The following NEK5 variants were observed in gnomAD, a reference collection of about 807,000 sequenced individuals.
The protein encoded by NEK5 is NIMA related kinase 5.
In NEK5, 88 loss-of-function variants were observed where a neutral mutation model predicts 109.2. The observed-to-expected ratio is 0.81, with a 90% CI of 0.68 to 0.96. The LOEUF (loss-of-function observed/expected upper bound fraction) is 0.96, where lower values mean the gene tolerates loss of function less well. Among genes scored for constraint, NEK5 ranks in the 40% least tolerant of loss-of-function variants. The pLI, the probability that NEK5 is intolerant of heterozygous loss-of-function variation, is 0.00. For synonymous variants in NEK5, 283 were observed against 299.9 expected, an observed-to-expected ratio of 0.94 and a Z score of 0.58; for missense variants, 834 against 920.7, an observed-to-expected ratio of 0.91 and a Z score of 1.22.
chr13:52,081,126 AT>A, intron 17 of NEK5, among the ~76,000 whole-genome samples: 1 of 152,352 alleles, frequency 6.6e-6, no homozygotes, highest in South Asian at 2.1e-4. Flanking sequence ...GGCAGTCGCC[AT>A]TGATTGTCGT....
At chr13:52,089,370 A>G in intron 13 of NEK5, 57 bp from the exon 14 acceptor site, 1 of 1,067,058 alleles carries the variant, frequency 9.4e-7, no homozygotes, top group South Asian at 1.4e-5. Flanking sequence ...TTAGGCACCA[A>G]TTTGACGAGT....
intron 19 of NEK5, among the ~76,000 whole-genome samples, chr13:52,074,867 A>G (rs1232556291): frequency 1.3e-5 from 2 of 152,160 alleles, no homozygotes; most frequent in Non-Finnish European, 2.9e-5. Context: ...ACAAATATAT[A>G]AAAGAATACT....
chr13:52,064,741 G>T (rs887030888), intron 21 of NEK5: 1 of 236,420 alleles, frequency 4.2e-6, no homozygotes, highest in Non-Finnish European at 8.2e-6. Flanking sequence ...GTAGAAAGAA[G>T]TAGACATGGG....
intron 12 of NEK5, 108 bp downstream of exon 12, chr13:52,099,635 A>C: frequency 3.3e-6 from 4 of 1,206,138 alleles, no homozygotes; most frequent in Non-Finnish European, 4.7e-6. Context: ...GCGCCACTGC[A>C]CTCCAGCCTG....
At chr13:52,106,645 C>T (rs760879988) in intron 8 of NEK5, among the ~76,000 whole-genome samples, 2 of 151,832 alleles carry the variant, frequency 1.3e-5, no homozygotes, top group Non-Finnish European at 2.9e-5. Flanking sequence ...GGCGTGCTTG[C>T]AGTCCCAGGT....
rs9526828 is a variant in NEK5 at position 52,063,317 on chromosome 13, T to C, written c.1976-1364A>G. Among the ~76,000 whole-genome samples, 821 of 152,330 alleles carry C rather than the reference T, an allele frequency of 5.4e-3. 7 individuals are homozygous for C. The highest frequency in any genetic ancestry group is 1.0e-2 in the Non-Finnish European group (678 of 68,030). On this transcript the variant is annotated intron_variant, in intron 21 of 23. Transcript: ENST00000684899. Reference sequence around the variant, plus strand: ...CTCCAGCTCCTAACCGCGAGTGATCTGCCAGCCTCGGCCTCCCGAGGTGCC... The same window carrying C: ...CTCCAGCTCCTAACCGCGAGTGATCCGCCAGCCTCGGCCTCCCGAGGTGCC...
chr13:52,090,242 A>G (rs1955250701), intron 13 of NEK5, among the ~76,000 whole-genome samples: 1 of 152,220 alleles, frequency 6.6e-6, no homozygotes, highest in Non-Finnish European at 1.5e-5. Context: ...CCTGTAAAAC[A>G]TTTCTGTAAT....
intron 21 of NEK5, among the ~76,000 whole-genome samples, chr13:52,064,240 CCCGCCCAGCCAG>C (rs1954647948): frequency 1.4e-5 from 2 of 143,920 alleles, no homozygotes; most frequent in East Asian, 2.2e-4. Flanking sequence ...GGGTCAGCCC[CCCGCCCAGCCAG>C]CCGCCCCGTC....
intron 14 of NEK5, among the ~76,000 whole-genome samples, chr13:52,088,255 GTTTT>G (rs201507300): frequency 8.1e-5 from 12 of 148,256 alleles, no homozygotes; most frequent in South Asian, 2.2e-4. Flanking sequence ...GTTGGTTTTT[GTTTT>G]TTTTGTTTTT....
chr13:52,092,350 C>T (rs1002325276), intron 13 of NEK5, among the ~76,000 whole-genome samples: 4 of 151,858 alleles, frequency 2.6e-5, no homozygotes, highest in African/African-American at 9.7e-5. Context: ...TTGTTATAAG[C>T]TTGAGATGTC....
intron 5 of NEK5, 83 bp from the exon 6 acceptor site, chr13:52,110,660 A>T: frequency 1.4e-6 from 1 of 728,354 alleles, no homozygotes; most frequent in Non-Finnish European, 2.4e-6. Context: ...AAAAGATAGA[A>T]ATTATACACA....
chr13:52,124,415 ATAT>A (rs200343685), intron 3 of NEK5, among the ~76,000 whole-genome samples: 5,473 of 152,314 alleles, frequency 0.036, 130 homozygotes, highest in South Asian at 0.09. Flanking sequence ...TCCAAAGATT[ATAT>A]TATTTTACAC....
intron 13 of NEK5, among the ~76,000 whole-genome samples, 164 bp downstream of exon 13, chr13:52,092,890 C>T (rs1955318777): frequency 6.6e-6 from 1 of 151,962 alleles, no homozygotes; most frequent in South Asian, 2.1e-4. Flanking sequence ...TCTACAAAAG[C>T]AAACAAAAGA....
rs568201902 is a variant in NEK5 at position 52,050,229 on chromosome 13, A to G, written c.2111-8T>C. The G allele has an allele frequency of 2.5e-5, 24 of 959,146 alleles. No individual in the cohort carries two copies. The East Asian group carries it at 2.4e-3, about 97-fold the overall frequency. 59.4% of individuals were successfully genotyped at this position (959,146 alleles called of 1,614,324 possible). A position where few individuals can be genotyped will look rare whatever the true frequency, so the allele number is the denominator to read the frequency against. Reference sequence around the variant, plus strand: ...GTTTTAATGTTCCCATTGCTAAAGAAATGACAGAGAAAGATATGAAAGCAT... The same window carrying G: ...GTTTTAATGTTCCCATTGCTAAAGAGATGACAGAGAAAGATATGAAAGCAT... On this transcript the variant is annotated splice_polypyrimidine_tract_variant and splice_region_variant and intron_variant, in intron 22 of 23. Transcript: ENST00000684899.
intron 14 of NEK5, among the ~76,000 whole-genome samples, 154 bp downstream of exon 14, chr13:52,089,093 A>AAACAACAACAACAAC (rs147701822): frequency 3.5e-4 from 53 of 151,030 alleles, no homozygotes; most frequent in Admixed American, 7.3e-4. Flanking sequence ...CTGTCTCAGA[A>AAACAACAACAACAAC]AACAACAACA....
chr13:52,099,094 A>G (rs1021722918), intron 12 of NEK5, among the ~76,000 whole-genome samples: 97 of 152,344 alleles, frequency 6.4e-4, no homozygotes, highest in African/African-American at 2.3e-3. Context: ...CAAAGGATAA[A>G]TACTTGAGGG....
chr13:52,072,260 A>C (rs1239830630), intron 19 of NEK5, among the ~76,000 whole-genome samples, 190 bp from the exon 20 acceptor site: 2 of 152,190 alleles, frequency 1.3e-5, no homozygotes, highest in Non-Finnish European at 2.9e-5. Flanking sequence ...AAATGTTTTC[A>C]TTTCTTCTCC....
At chr13:52,055,012 G>A (rs1332585034) in intron 22 of NEK5, among the ~76,000 whole-genome samples, 1 of 152,170 alleles carries the variant, frequency 6.6e-6, no homozygotes, top group Non-Finnish European at 1.5e-5. Context: ...AGCTATGGGA[G>A]GACATTCAAA....
chr13:52,093,482 C>T (rs369943377), intron 12 of NEK5, among the ~76,000 whole-genome samples: 1 of 152,058 alleles, frequency 6.6e-6, no homozygotes, highest in Non-Finnish European at 1.5e-5. Context: ...ATCACTTGAA[C>T]CCAGGAGGTG....
Sources: gnomAD v4.1 joint callset for allele counts (sites outside exome capture counted in the v4.1 genomes callset) on GRCh38, gnomAD v4.1.1 for gene constraint, MANE v1.5 for transcripts, NCBI Gene and HGNC (gene_info 2026-07-23, HGNC 2026-07-21) for gene names.